Variants in SLC43A2 observed in about 807,000 individuals in gnomAD.
SLC43A2 encodes large neutral amino acids transporter small subunit 4.
Under a neutral mutation model 63.2 loss-of-function variants are expected in SLC43A2, and 38 were observed. That is an observed-to-expected ratio of 0.60 (90% confidence interval 0.46 to 0.79). The LOEUF (loss-of-function observed/expected upper bound fraction) is 0.79, where lower values mean the gene tolerates loss of function less well. Ranked by LOEUF, SLC43A2 falls within the 30% of genes least tolerant of loss-of-function variation. SLC43A2 has a pLI of 0.00. For synonymous variants in SLC43A2, 322 were observed against 331.0 expected, an observed-to-expected ratio of 0.97 and a Z score of 0.30; for missense variants, 644 against 756.2, an observed-to-expected ratio of 0.85 and a Z score of 1.74.
At chr17:1,586,928 T>TGGGCCCCCCCCCCCCCCCCCCCCCC in intron 9 of SLC43A2, 4 of 1,232,904 alleles carry the variant, frequency 3.2e-6, no homozygotes, top group Non-Finnish European at 4.5e-6. Flanking sequence ...TCCCTGACAA[T>TGGGCCCCCCCCCCCCCCCCCCCCCC]CCCCCCCACC....
rs1907711898 is a variant in SLC43A2 at position 1,616,727 on chromosome 17, C to A, written c.203G>T (p.Gly68Val). 4 of 1,614,082 alleles carry A rather than the reference C, an allele frequency of 2.5e-6. No individual in the cohort carries two copies. Among genetic ancestry groups the A allele is most frequent in the Non-Finnish European group, 3.4e-6 (4 of 1,180,036 alleles). Residue 68 changes from glycine (G) to valine (V), a missense_variant, in exon 3 of 14, where the codon GGG becomes GTG. Gly to Val is a moderately radical substitution (Grantham distance 109). This residue lies in a region of SLC43A2 where 528 missense variants were observed against 623.6 expected (regional missense o/e 0.85). Coordinates refer to ENST00000301335, the MANE Select transcript of SLC43A2 (RefSeq NM_152346.3). The part of the protein sequence containing the change: ...NGTVGGTAEP[G>V]HEEVSWMNGW... ...GTTCATCCAGCTCACCTCCTCGTGC[C>A]CCGGCTCTGCTGTGCCGCCCACTGT...
Position 1,573,569 on chromosome 17 carries a change from C to T in SLC43A2, c.*2035G>A, listed in dbSNP as rs2075877864. ...ACTTTCTTGAAAATCAGAATAACCA[C>T]TAACATCACAAAACGAGTGTTCTCA... On this transcript the variant is annotated 3_prime_UTR_variant, in exon 14 of 14. Transcript: ENST00000301335. The T allele has an allele frequency of 1.3e-5, 2 of 152,248 alleles. No homozygotes were observed. The highest frequency in any genetic ancestry group is 4.8e-5 in the African/African-American group (2 of 41,460). The allele number at this position is 152,248 out of a possible 1,614,324, so 9.4% of individuals were successfully genotyped here.
intron 3 of SLC43A2, among the ~76,000 whole-genome samples, chr17:1,615,577 C>T (rs1907523079): frequency 6.7e-6 from 1 of 149,624 alleles, no homozygotes; most frequent in Non-Finnish European, 1.5e-5. Flanking sequence ...GGCACGATGG[C>T]TCACGCCTGT....
chr17:1,627,607 G>A (rs1274981820), intron 2 of SLC43A2, 108 bp downstream of exon 2: 3 of 945,374 alleles, frequency 3.2e-6, no homozygotes, highest in South Asian at 3.8e-5. Flanking sequence ...ATACCCTAGA[G>A]GCACTGGGCA....
In SLC43A2 at chr17:1,585,923, C is replaced by T. The variant is rs2076094694; in HGVS notation, c.1207G>A (p.Asp403Asn). 3 of 1,613,818 alleles carry T rather than the reference C, an allele frequency of 1.9e-6. No homozygotes were observed. The highest frequency in any genetic ancestry group is 2.5e-6 in the Non-Finnish European group (3 of 1,180,030). ...GCCCTGCCTACGCACTGGTTGGCGT[C>T]TTTCTCCTCGGGCTCCTCGGAGGCG... ...EDASEEPEEK[D>N]ANQGEKKKKK... Residue 403 changes from aspartate (D) to asparagine (N), a missense_variant, in exon 10 of 14, where the codon GAC (aspartate) becomes AAC (asparagine). Asp to Asn is a conservative substitution (Grantham distance 23). Around this residue, in one of 3 missense-constraint regions of SLC43A2, gnomAD observed 528 missense variants for 623.6 expected, o/e 0.85. Coordinates refer to ENST00000301335, the MANE Select transcript of SLC43A2 (RefSeq NM_152346.3).
chr17:1,614,829 G>A (rs940547020), intron 4 of SLC43A2, 150 bp downstream of exon 4: 56 of 729,344 alleles, frequency 7.7e-5, no homozygotes, highest in South Asian at 7.2e-4. Context: ...TTTGAGATAA[G>A]TAACTGAGTA....
At chr17:1,590,422 G>A (rs1033813975) in intron 9 of SLC43A2, among the ~76,000 whole-genome samples, 8 of 152,116 alleles carry the variant, frequency 5.3e-5, no homozygotes, top group African/African-American at 9.7e-5. Context: ...CGCACCCACC[G>A]TGCCACTTTC....
At chr17:1,621,360 G>A (rs1379814559) in intron 2 of SLC43A2, among the ~76,000 whole-genome samples, 3 of 152,206 alleles carry the variant, frequency 2.0e-5, no homozygotes, top group Admixed American at 6.5e-5. Flanking sequence ...CTGACTAGTC[G>A]CTTTCCGAGC....
intron 9 of SLC43A2, chr17:1,586,928 T>TGGGGG: frequency 5.2e-5 from 64 of 1,232,756 alleles, no homozygotes; most frequent in Non-Finnish European, 6.7e-5. Flanking sequence ...TCCCTGACAA[T>TGGGGG]CCCCCCCACC....
At position 1,575,625 on chromosome 17, in the gene SLC43A2, G is replaced by GGACGAGCC; in HGVS notation, c.1681_1688dup (p.Asn564AlafsTer26). On this transcript the variant is annotated frameshift_variant, in exon 14 of 14. Coordinates refer to ENST00000301335, the MANE Select transcript of SLC43A2 (RefSeq NM_152346.3). LOFTEE classifies it high-confidence loss of function. ...GCCACTACACGAAGGCCTCCTGGTT[G>GGACGAGCC]GACGAGCCGTTGATTTTGAGGAAGA... 1 of 1,614,094 alleles carries GGACGAGCC rather than the reference G, an allele frequency of 6.2e-7. No individual in the cohort carries two copies. The highest frequency in any genetic ancestry group is 1.1e-5 in the South Asian group (1 of 91,088).
At chr17:1,612,844 C>T (rs184980375) in intron 5 of SLC43A2, among the ~76,000 whole-genome samples, 165 of 152,302 alleles carry the variant, frequency 1.1e-3, no homozygotes, top group African/African-American at 3.7e-3. Context: ...TGGTGGCGCA[C>T]GCCCATAGTC....
chr17:1,607,930 G>A (rs1461323862), intron 5 of SLC43A2, among the ~76,000 whole-genome samples: 1 of 152,138 alleles, frequency 6.6e-6, no homozygotes, highest in Non-Finnish European at 1.5e-5. Context: ...TGGCCAGCCT[G>A]CTCTCAAACT....
At chr17:1,598,546 C>T (rs1399817688) in intron 5 of SLC43A2, among the ~76,000 whole-genome samples, 1 of 152,184 alleles carries the variant, frequency 6.6e-6, no homozygotes, top group African/African-American at 2.4e-5. Context: ...CTGCAGTCAC[C>T]TTTGGGTAAA....
chr17:1,613,178 A>C lies in SLC43A2; in HGVS notation c.501+17T>G. On this transcript the variant is annotated intron_variant, in intron 5 of 13. Coordinates refer to ENST00000301335, the MANE Select transcript of SLC43A2 (RefSeq NM_152346.3). ...ACAGATTACTGAACTACAGAGCTTTAAAAAATCTGTACTCACTGTTAATGA... is the reference window on the plus strand; with the variant it reads ...ACAGATTACTGAACTACAGAGCTTTCAAAAATCTGTACTCACTGTTAATGA... 6.2e-7 allele frequency: 1 copy of C among 1,603,822 alleles called. No homozygotes were observed. Among genetic ancestry groups the C allele is most frequent in the East Asian group, 2.2e-5 (1 of 44,814 alleles).
intron 8 of SLC43A2, 52 bp from the exon 9 acceptor site, chr17:1,591,000 C>CG: frequency 3.3e-6 from 5 of 1,510,854 alleles, no homozygotes; most frequent in South Asian, 2.4e-5. Flanking sequence ...TCCCCACCAC[C>CG]GGGGGGACAC....
chr17:1,600,549 C>CTTTTT (rs398030152), intron 5 of SLC43A2, among the ~76,000 whole-genome samples: 1 of 73,764 alleles, frequency 1.4e-5, no homozygotes, highest in Non-Finnish European at 2.5e-5. Flanking sequence ...TTTCTTTCCT[C>CTTTTT]TTTTTTTTTT....
intron 2 of SLC43A2, among the ~76,000 whole-genome samples, chr17:1,622,426 G>T (rs375752395): frequency 3.9e-5 from 6 of 152,068 alleles, no homozygotes; most frequent in African/African-American, 1.5e-4. Flanking sequence ...TTAGCCAGGC[G>T]TGGTGGCGGG....
rs1213603152 is a variant in SLC43A2, at chr17:1,571,812, G to GC, written c.*3791dup. 1 of 152,288 alleles carries GC rather than the reference G, an allele frequency of 6.6e-6. No individual in the cohort carries two copies. Among genetic ancestry groups the GC allele is most frequent in the Non-Finnish European group, 1.5e-5 (1 of 68,120 alleles). 9.4% of individuals were successfully genotyped at this position (152,288 alleles called of 1,614,324 possible). A position where few individuals can be genotyped will look rare whatever the true frequency, so the allele number is the denominator to read the frequency against. On this transcript the variant is annotated 3_prime_UTR_variant, in exon 14 of 14. Coordinates refer to ENST00000301335, the MANE Select transcript of SLC43A2 (RefSeq NM_152346.3). The surrounding 1 kb of genome is among the most constrained non-coding windows in gnomAD (Gnocchi z 5.2). ...CAGGCAGCAGCAGCTGCAGACAGAG[G>GC]CCTAGAGGGTTTGGAGAAGGCCGAC...
Position 1,591,384 on chromosome 17 carries a change from G to A in SLC43A2, c.816C>T (p.Arg272=), listed in dbSNP as rs1904763308. Residue 272 remains arginine, a synonymous_variant, in exon 8 of 14, where the codon CGC becomes CGT. Coordinates refer to ENST00000301335, the MANE Select transcript of SLC43A2 (RefSeq NM_152346.3). The part of the protein sequence containing the change: ...FYKQVTTVGR[R]LSVGSSMRSA... ...TCCTCATGGAGCTGCCCACACTCAGGCGCCGGCCCACCGTGGTCACCTGCT... is the reference window on the plus strand; with the variant it reads ...TCCTCATGGAGCTGCCCACACTCAGACGCCGGCCCACCGTGGTCACCTGCT... 6.2e-7 allele frequency: 1 copy of A among 1,612,424 alleles called. No homozygotes were observed. Among genetic ancestry groups the A allele is most frequent in the Admixed American group, 1.7e-5 (1 of 60,004 alleles).
Sources: gnomAD v4.1 joint callset for allele counts (sites outside exome capture counted in the v4.1 genomes callset) on GRCh38, gnomAD v4.1.1 for gene constraint, gnomAD v4.1.1 regional missense constraint, Gnocchi (gnomAD v3.1) non-coding constraint, MANE v1.5 for transcripts, NCBI Gene and HGNC (gene_info 2026-07-23, HGNC 2026-07-21) for gene names.